RAB31: variants seen among roughly 807,000 people sequenced by gnomAD.
RAB31 encodes ras-related protein Rab-31.
Under a neutral mutation model 25.6 loss-of-function variants are expected in RAB31, and 21 were observed. The ratio of observed to expected loss-of-function variants is 0.82; its 90% CI spans 0.58 to 1.18. RAB31 has a LOEUF of 1.18. RAB31 is among the 50% of genes most tolerant of loss of function. The pLI is 0.00. For missense variants in RAB31, 196 were observed against 250.1 expected (o/e 0.78, Z 1.46); for synonymous variants, 87 against 84.0 (o/e 1.04, Z -0.20).
intron 6 of RAB31, among the ~76,000 whole-genome samples, chr18:9,848,383 T>C (rs1158494258): frequency 6.6e-6 from 1 of 152,228 alleles, no homozygotes; most frequent in Non-Finnish European, 1.5e-5. Flanking sequence ...CATCTGTCTG[T>C]CTAGTCATCT....
intron 5 of RAB31, among the ~76,000 whole-genome samples, chr18:9,829,527 C>G (rs1384669180): frequency 1.8e-4 from 27 of 152,218 alleles, no homozygotes; most frequent in Admixed American, 1.7e-3. Context: ...CGTTCTTGCA[C>G]ATGTGTAAGC....
intron 1 of RAB31, among the ~76,000 whole-genome samples, chr18:9,750,283 G>T (rs1228990084): frequency 6.6e-6 from 1 of 152,290 alleles, no homozygotes; most frequent in Middle Eastern, 3.4e-3. Flanking sequence ...TAGAAAACTC[G>T]GGCTGCCTTT....
chr18:9,747,369 A>C lies in RAB31; in HGVS notation c.40-27909A>C, dbSNP rs558541817. 2.0e-5 allele frequency among the ~76,000 whole-genome samples: 3 copies of C among 152,352 alleles called. No individual in the cohort carries two copies. In the South Asian group the frequency reaches 6.2e-4, roughly 32 times the overall value. On this transcript the variant is annotated intron_variant, in intron 1 of 6. Transcript: ENST00000578921. ...TAAACATAGAGTTACCATATGACCC[A>C]GCAATTCTACTCCTAGGTATATGCC...
chr18:9,809,122 A>G (rs1046653117), intron 3 of RAB31, among the ~76,000 whole-genome samples: 1 of 152,216 alleles, frequency 6.6e-6, no homozygotes, highest in Non-Finnish European at 1.5e-5. Context: ...TGTAGTGCAC[A>G]CTACACGGAA....
chr18:9,811,897 C>A (rs923092629), intron 3 of RAB31, among the ~76,000 whole-genome samples: 2 of 152,156 alleles, frequency 1.3e-5, no homozygotes, highest in African/African-American at 4.8e-5. Flanking sequence ...TCATTACATA[C>A]ATATATGTAT....
At chr18:9,851,587 C>T (rs1414058774) in intron 6 of RAB31, among the ~76,000 whole-genome samples, 1 of 152,182 alleles carries the variant, frequency 6.6e-6, no homozygotes, top group South Asian at 2.1e-4. Context: ...CTCCGGGGCA[C>T]ATGCTCTTAG....
chr18:9,803,328 T>A (rs1445456466), intron 3 of RAB31, among the ~76,000 whole-genome samples: 1 of 151,594 alleles, frequency 6.6e-6, no homozygotes, highest in Non-Finnish European at 1.5e-5. Flanking sequence ...CTTGACCTCC[T>A]GGACTCAAGC....
At chr18:9,723,050 A>C (rs143112057) in intron 1 of RAB31, among the ~76,000 whole-genome samples, 1 of 152,274 alleles carries the variant, frequency 6.6e-6, no homozygotes, top group East Asian at 1.9e-4. Context: ...TTTGTTCATA[A>C]AAGCATTTTT....
chr18:9,818,695 G>A lies in RAB31; in HGVS notation c.380+3473G>A, dbSNP rs28690391. ...GTATGTTTTCATCTCTCTAGGATAT[G>A]TACTTAGGAGTGGAATTTCTGTGTC... On this transcript the variant is annotated intron_variant, in intron 5 of 6. Coordinates refer to ENST00000578921, the MANE Select transcript of RAB31 (RefSeq NM_006868.4). 5.9e-3 allele frequency among the ~76,000 whole-genome samples: 900 copies of A among 152,284 alleles called. 4 individuals are homozygous for A. The highest frequency in any genetic ancestry group is 0.02 in the African/African-American group (850 of 41,556).
In RAB31 at chr18:9,708,611, G is replaced by A. The variant is rs1381724901; in HGVS notation, c.39+167G>A. The stretch of plus-strand genomic sequence containing the variant: ...GCCCCCTGGTTCCCCGGGTCCCCCT[G>A]GCTCCCCTAGTCCGTGCGCCCCTCG... On this transcript the variant is annotated intron_variant, in intron 1 of 6. Coordinates refer to ENST00000578921, the MANE Select transcript of RAB31 (RefSeq NM_006868.4). This position sits in a 1 kb window ranked among gnomAD's most constrained non-coding sequence, Gnocchi z 6.4. Among the ~76,000 whole-genome samples, 1 of 150,204 alleles carries A rather than the reference G, an allele frequency of 6.7e-6. No individual in the cohort carries two copies. Among genetic ancestry groups the A allele is most frequent in the East Asian group, 2.0e-4 (1 of 5,072 alleles).
Position 9,861,763 on chromosome 18 carries a change from C to T in RAB31, c.*2438C>T, listed in dbSNP as rs201473546. On this transcript the variant is annotated 3_prime_UTR_variant, in exon 7 of 7. Coordinates refer to ENST00000578921, the MANE Select transcript of RAB31 (RefSeq NM_006868.4). ...TTCCTTCTCCCTTTTTTTTTTCTTTCGTGTGTGGCATGAGTGTGTATCTGT... is the reference window on the plus strand; with the variant it reads ...TTCCTTCTCCCTTTTTTTTTTCTTTTGTGTGTGGCATGAGTGTGTATCTGT... 1,198 of 149,960 alleles carry T rather than the reference C, an allele frequency of 8.0e-3. 6 individuals are homozygous for T. Among genetic ancestry groups the T allele is most frequent in the Non-Finnish European group, 0.013 (867 of 67,492 alleles). The allele number at this position is 149,960 out of a possible 1,614,324, so 9.3% of individuals were successfully genotyped here. A position where few individuals can be genotyped will look rare whatever the true frequency, so the allele number is the denominator to read the frequency against.
chr18:9,826,337 C>T (rs145562213), intron 5 of RAB31, among the ~76,000 whole-genome samples: 156 of 152,284 alleles, frequency 1.0e-3, no homozygotes, highest in Non-Finnish European at 1.5e-3. Flanking sequence ...GATCGCACCA[C>T]TGCATTCCAG....
chr18:9,821,715 C>T (rs2068625324), intron 5 of RAB31, among the ~76,000 whole-genome samples: 1 of 151,966 alleles, frequency 6.6e-6, no homozygotes, highest in South Asian at 2.1e-4. Flanking sequence ...TTTACAATTG[C>T]TCCAAAGAAA....
intron 2 of RAB31, among the ~76,000 whole-genome samples, chr18:9,786,433 CAA>C (rs2068433363): frequency 6.6e-6 from 1 of 152,212 alleles, no homozygotes; most frequent in Non-Finnish European, 1.5e-5. Context: ...TAATCAAACT[CAA>C]AGAGGGGTTG....
intron 5 of RAB31, among the ~76,000 whole-genome samples, chr18:9,816,972 A>G (rs1200064641): frequency 1.3e-5 from 2 of 152,196 alleles, no homozygotes; most frequent in African/African-American, 2.4e-5. Context: ...TTTCTTTAGG[A>G]TTTCAAAAGT....
chr18:9,784,180 G>A (rs2068420061), intron 2 of RAB31, among the ~76,000 whole-genome samples: 1 of 150,314 alleles, frequency 6.7e-6, no homozygotes. Flanking sequence ...GGGACTACAT[G>A]CAAAAGCCAC....
At chr18:9,762,423 C>T (rs2068293921) in intron 1 of RAB31, among the ~76,000 whole-genome samples, 1 of 152,306 alleles carries the variant, frequency 6.6e-6, no homozygotes, top group Middle Eastern at 3.4e-3. Context: ...CGAATGCTCC[C>T]TCCAGGAGGT....
intron 1 of RAB31, among the ~76,000 whole-genome samples, chr18:9,756,061 A>G (rs1195797392): frequency 6.6e-6 from 1 of 152,240 alleles, no homozygotes; most frequent in Non-Finnish European, 1.5e-5. Flanking sequence ...TCTGTTAAAT[A>G]CTTGCAGAAG....
At chr18:9,840,893 T>C (rs929779276) in intron 5 of RAB31, among the ~76,000 whole-genome samples, 1 of 152,168 alleles carries the variant, frequency 6.6e-6, no homozygotes, top group Non-Finnish European at 1.5e-5. Flanking sequence ...GAAGGAATTA[T>C]GATTACTGTC....
Sources: allele counts gnomAD v4.1 joint callset (sites outside exome capture counted in the v4.1 genomes callset), GRCh38; gene constraint gnomAD v4.1.1; non-coding constraint Gnocchi (gnomAD v3.1); transcripts MANE v1.5; gene names NCBI Gene and HGNC (gene_info 2026-07-23, HGNC 2026-07-21).